The following PDS5A variants were observed in gnomAD, a reference collection of about 807,000 sequenced individuals.
PDS5A encodes the protein sister chromatid cohesion protein PDS5 homolog A.
A neutral mutation model predicts 167.1 loss-of-function variants in PDS5A; 42 were observed. That is an observed-to-expected ratio of 0.25 (90% CI 0.20 to 0.33). The LOEUF (loss-of-function observed/expected upper bound fraction) is 0.33, where lower values mean the gene tolerates loss of function less well. Among genes scored for constraint, PDS5A ranks in the 10% least tolerant of loss-of-function variants. The pLI is 1.00. For synonymous variants in PDS5A, 553 were observed against 554.6 expected (o/e 1.00, Z 0.04); for missense variants, 1,033 against 1,605.9 (o/e 0.64, Z 6.10).
intron 26 of PDS5A, among the ~76,000 whole-genome samples, chr4:39,857,261 A>G (rs2109533741): frequency 6.6e-6 from 1 of 152,036 alleles, no homozygotes. Flanking sequence ...CTGAGGCAGA[A>G]GAATGGCGTG....
intron 2 of PDS5A, among the ~76,000 whole-genome samples, chr4:39,962,348 G>A (rs1221375384): frequency 3.3e-5 from 5 of 152,068 alleles, no homozygotes; most frequent in East Asian, 1.9e-4. Context: ...AAGCCACCGC[G>A]CCCGGCCTCT....
chr4:39,876,138 CT>C (rs1326119898), intron 19 of PDS5A, among the ~76,000 whole-genome samples: 1 of 151,930 alleles, frequency 6.6e-6, no homozygotes, highest in Non-Finnish European at 1.5e-5. Flanking sequence ...GTTTCTTTGC[CT>C]TGAAAAAATG....
At chr4:39,958,335 C>T (rs561571179) in intron 2 of PDS5A, among the ~76,000 whole-genome samples, 3 of 151,796 alleles carry the variant, frequency 2.0e-5, no homozygotes, top group East Asian at 2.0e-4. Flanking sequence ...GGTGAAACCC[C>T]GCCTCTACTA....
chr4:39,969,330 G>A (rs1436457989), intron 2 of PDS5A, among the ~76,000 whole-genome samples: 2 of 152,080 alleles, frequency 1.3e-5, no homozygotes, highest in East Asian at 3.8e-4. Context: ...AAAATTCTAA[G>A]TACTGTACCT....
intron 26 of PDS5A, among the ~76,000 whole-genome samples, chr4:39,861,082 A>T (rs1718949486): frequency 6.6e-6 from 1 of 151,134 alleles, no homozygotes; most frequent in Non-Finnish European, 1.5e-5. Flanking sequence ...AAAAAAAAAT[A>T]GAATAAAAAT....
In PDS5A at chr4:39,849,562, T is replaced by C. The variant is rs977642724; in HGVS notation, c.3177A>G (p.Leu1059=). ...FMKKMAENIK[L]TRDAQSPDES... ...CATCTGGAGACTGGGCATCTCTGGT[T>C]AACTTGATGTTCTCTGCCATCTTCT... Residue 1059 remains leucine, a synonymous_variant, in exon 27 of 33, where the codon TTA becomes TTG. Coordinates refer to ENST00000303538, the MANE Select transcript of PDS5A (RefSeq NM_001100399.2). 4.3e-6 allele frequency: 7 copies of C among 1,611,764 alleles called. No individual in the cohort carries two copies. Among genetic ancestry groups the C allele is most frequent in the Non-Finnish European group, 5.9e-6 (7 of 1,178,046 alleles).
chr4:39,859,454 A>G (rs1718804319), intron 26 of PDS5A, among the ~76,000 whole-genome samples: 1 of 152,154 alleles, frequency 6.6e-6, no homozygotes, highest in Non-Finnish European at 1.5e-5. Flanking sequence ...CATGAAAAAC[A>G]TTAGTTGGAA....
rs573575224 is a variant in PDS5A, at chr4:39,898,951, C to T, written c.1582-126G>A. 61 of 630,760 alleles carry T rather than the reference C, an allele frequency of 9.7e-5. No homozygotes were observed. In the East Asian group the frequency reaches 1.6e-3, roughly 17 times the overall value. The allele number at this position is 630,760 out of a possible 1,614,324, so 39.1% of individuals were successfully genotyped here. A position where few individuals can be genotyped will look rare whatever the true frequency, so the allele number is the denominator to read the frequency against. On this transcript the variant is annotated intron_variant, in intron 14 of 32. Coordinates refer to ENST00000303538, the MANE Select transcript of PDS5A (RefSeq NM_001100399.2). ...AAAAAATAAAGTTCATCACAGTCTG[C>T]TCAATGGAAAATGGTTTTACCACAT...
Position 39,941,780 on chromosome 4 carries a change from G to A in PDS5A, c.139-13616C>T, listed in dbSNP as rs181732105. Among the ~76,000 whole-genome samples the A allele has an allele frequency of 2.5e-4, 38 of 152,280 alleles. 1 individual carries two copies. In the East Asian group the frequency reaches 6.9e-3, roughly 28 times the overall value. ...TCCTTTTAAGAAAACCTCACAGGCAGGAGTGGTGGCTCATTCTGTAATCCC... is the reference window on the plus strand; with the variant it reads ...TCCTTTTAAGAAAACCTCACAGGCAAGAGTGGTGGCTCATTCTGTAATCCC... On this transcript the variant is annotated intron_variant, in intron 2 of 32. Transcript: ENST00000303538.
chr4:39,849,998 C>T (rs891304931), intron 26 of PDS5A, among the ~76,000 whole-genome samples: 2 of 151,980 alleles, frequency 1.3e-5, no homozygotes, highest in Non-Finnish European at 2.9e-5. Flanking sequence ...CGAGGCTGGG[C>T]GCGGTGGCTC....
chr4:39,911,289 A>T (rs1257428211), intron 9 of PDS5A, among the ~76,000 whole-genome samples: 1 of 151,948 alleles, frequency 6.6e-6, no homozygotes, highest in Non-Finnish European at 1.5e-5. Flanking sequence ...CCAGCTACTC[A>T]GGAGGCCGAG....
chr4:39,955,840 T>C (rs181353725), intron 2 of PDS5A, among the ~76,000 whole-genome samples: 189 of 151,902 alleles, frequency 1.2e-3, no homozygotes, highest in Non-Finnish European at 2.2e-3. Context: ...TTAAGGCCGG[T>C]GTGGTGGTTC....
chr4:39,951,023 T>TC (rs1430043415), intron 2 of PDS5A, among the ~76,000 whole-genome samples: 1 of 152,044 alleles, frequency 6.6e-6, no homozygotes, highest in African/African-American at 2.4e-5. Context: ...CACATCATCC[T>TC]CCCAAGTAGC....
In PDS5A at chr4:39,961,385, T is replaced by TCC. The variant is rs574535377; in HGVS notation, c.138+15053_138+15054dup. 4.5e-4 allele frequency among the ~76,000 whole-genome samples: 69 copies of TCC among 152,196 alleles called. 1 individual carries two copies. The highest frequency in any genetic ancestry group is 1.6e-3 in the African/African-American group (66 of 41,554). ...GCCATCTCGGCTCACTGTCTCAGCC[T>TCC]CCTCAGTAGCTGGGAGGCGCCCGCC... On this transcript the variant is annotated intron_variant, in intron 2 of 32. Coordinates refer to ENST00000303538, the MANE Select transcript of PDS5A (RefSeq NM_001100399.2).
chr4:39,885,035 G>C (rs1202222152), intron 17 of PDS5A, among the ~76,000 whole-genome samples: 1 of 152,030 alleles, frequency 6.6e-6, no homozygotes, highest in African/African-American at 2.4e-5. Flanking sequence ...GGCCGAGGTG[G>C]GCAGATTGCT....
Position 39,877,229 on chromosome 4 carries a change from GA to G in PDS5A, c.1993-77del, listed in dbSNP as rs376593749. 2,758 of 831,808 alleles carry G rather than the reference GA, an allele frequency of 3.3e-3. 12 individuals carry two copies. Among genetic ancestry groups the G allele is most frequent in the African/African-American group, 0.017 (950 of 56,052 alleles). The allele number at this position is 831,808 out of a possible 1,614,324, so 51.5% of individuals were successfully genotyped here. On this transcript the variant is annotated intron_variant, in intron 18 of 32. Transcript: ENST00000303538. Reference sequence around the variant, plus strand: ...TAAAAAAGAATTACTTCCCGCAAAAGAAAAAAAAAATTAAATTCTGGGGTAA... The same window carrying G: ...TAAAAAAGAATTACTTCCCGCAAAAGAAAAAAAAATTAAATTCTGGGGTAA...
chr4:39,962,499 T>C (rs751831072), intron 2 of PDS5A, among the ~76,000 whole-genome samples: 7 of 152,122 alleles, frequency 4.6e-5, no homozygotes, highest in Non-Finnish European at 8.8e-5. Context: ...AATTAGCTTA[T>C]TTGACTGCAA....
At chr4:39,928,245 AGTC>A in intron 2 of PDS5A, 81 bp from the exon 3 acceptor site, 1 of 846,214 alleles carries the variant, frequency 1.2e-6, no homozygotes, top group Non-Finnish European at 1.8e-6. Context: ...AAAAAAAAAA[AGTC>A]ATCTCCATTA....
At chr4:39,832,246 C>T (rs1339357158) in intron 32 of PDS5A, among the ~76,000 whole-genome samples, 2 of 151,374 alleles carry the variant, frequency 1.3e-5, no homozygotes, top group Admixed American at 1.3e-4. Flanking sequence ...TGGAGTCTCA[C>T]TCTGTCGCCC....
Sources: allele counts gnomAD v4.1 joint callset (sites outside exome capture counted in the v4.1 genomes callset), GRCh38; gene constraint gnomAD v4.1.1; transcripts MANE v1.5; gene names NCBI Gene and HGNC (gene_info 2026-07-23, HGNC 2026-07-21).